Variants in LRRC28 observed in about 807,000 individuals in gnomAD.
LRRC28 encodes leucine rich repeat containing 28.
Under a neutral mutation model 45.7 loss-of-function variants are expected in LRRC28, and 39 were observed. That is an observed-to-expected ratio of 0.85 (90% confidence interval 0.66 to 1.12). LRRC28 has a LOEUF of 1.12. Ranked by LOEUF, LRRC28 falls within the 50% of genes most tolerant of loss-of-function variation. The probability of loss-of-function intolerance (pLI) is 0.00; values close to 1 mark genes in which losing one functional copy is unlikely to be tolerated. For synonymous variants in LRRC28, 206 were observed against 178.8 expected (o/e 1.15, Z -1.22); for missense variants, 435 against 438.5 (o/e 0.99, Z 0.07).
intron 2 of LRRC28, among the ~76,000 whole-genome samples, chr15:99,269,612 G>A (rs2081421210): frequency 2.0e-5 from 3 of 152,180 alleles, no homozygotes; most frequent in South Asian, 2.1e-4. Flanking sequence ...CATGTTGGCC[G>A]GGCTGGTCTT....
At position 99,389,318 on chromosome 15, in the gene LRRC28, G is replaced by A. The variant is rs944432212; in HGVS notation, c.*3216G>A. 1 of 152,144 alleles carries A rather than the reference G, an allele frequency of 6.6e-6. No individual in the cohort carries two copies. The highest frequency in any genetic ancestry group is 1.5e-5 in the Non-Finnish European group (1 of 68,046). The allele number at this position is 152,144 out of a possible 1,614,324, so 9.4% of individuals were successfully genotyped here. On this transcript the variant is annotated 3_prime_UTR_variant, in exon 10 of 10. Transcript: ENST00000301981. Reference sequence around the variant, plus strand: ...GGGGGAAAAAAAGGCTTCAATACCAGTTGGCTTATGAGGCTCTGCATATAA... The same window carrying A: ...GGGGGAAAAAAAGGCTTCAATACCAATTGGCTTATGAGGCTCTGCATATAA...
At chr15:99,308,298 A>G (rs1445468571) in intron 5 of LRRC28, among the ~76,000 whole-genome samples, 1 of 152,170 alleles carries the variant, frequency 6.6e-6, no homozygotes, top group Non-Finnish European at 1.5e-5. Context: ...GTTTTTTCCA[A>G]GTCGTTAACA....
chr15:99,265,387 A>G (rs1028993609), intron 2 of LRRC28, among the ~76,000 whole-genome samples: 2 of 152,178 alleles, frequency 1.3e-5, no homozygotes, highest in Admixed American at 6.5e-5. Context: ...AGGTGGGCCA[A>G]AGTACCCATT....
intron 5 of LRRC28, among the ~76,000 whole-genome samples, chr15:99,329,252 AT>A (rs1956083037): frequency 6.6e-6 from 1 of 152,374 alleles, no homozygotes; most frequent in South Asian, 2.1e-4. Context: ...CTTAATTGTA[AT>A]GGTAAAGCCA....
At chr15:99,290,126 CA>C (rs1250497246) in intron 5 of LRRC28, among the ~76,000 whole-genome samples, 39 of 151,442 alleles carry the variant, frequency 2.6e-4, no homozygotes, top group South Asian at 1.7e-3. Flanking sequence ...GGTGTGGTGG[CA>C]TTGTGCCTAT....
intron 9 of LRRC28, among the ~76,000 whole-genome samples, chr15:99,376,280 G>C (rs940086622): frequency 1.1e-4 from 17 of 152,068 alleles, no homozygotes; most frequent in Admixed American, 7.9e-4. Context: ...CTATGTGTTT[G>C]AAGATTTTCC....
At chr15:99,287,036 A>T (rs535114284) in intron 3 of LRRC28, 84 of 405,960 alleles carry the variant, frequency 2.1e-4, no homozygotes, top group African/African-American at 1.7e-3. Context: ...CAACTAAATC[A>T]GTAAATAGAT....
At chr15:99,312,028 TA>T (rs540978427) in intron 5 of LRRC28, among the ~76,000 whole-genome samples, 2 of 152,080 alleles carry the variant, frequency 1.3e-5, no homozygotes, top group South Asian at 2.1e-4. Context: ...GAATACTCAC[TA>T]AAAAAACCCT....
chr15:99,357,923 G>A (rs1240092159), intron 7 of LRRC28, among the ~76,000 whole-genome samples: 1 of 151,938 alleles, frequency 6.6e-6, no homozygotes, highest in Non-Finnish European at 1.5e-5. Context: ...GGAGAGGAGT[G>A]AGGGCCCACT....
chr15:99,259,856 T>C (rs1267449722), intron 2 of LRRC28: 2 of 810,602 alleles, frequency 2.5e-6, no homozygotes, highest in Non-Finnish European at 4.5e-6. Context: ...ATGCCTTGCC[T>C]CAGTTTGAAC....
intron 2 of LRRC28, among the ~76,000 whole-genome samples, chr15:99,273,985 C>G (rs1212229866): frequency 6.6e-6 from 1 of 152,170 alleles, no homozygotes; most frequent in Non-Finnish European, 1.5e-5. Flanking sequence ...AGCGTATATT[C>G]TCAAGGGAGA....
intron 5 of LRRC28, among the ~76,000 whole-genome samples, chr15:99,328,197 A>C (rs1232340131): frequency 6.6e-6 from 1 of 152,230 alleles, no homozygotes; most frequent in Non-Finnish European, 1.5e-5. Flanking sequence ...TTCTTCTTAG[A>C]TGTCAAATTA....
intron 3 of LRRC28, among the ~76,000 whole-genome samples, chr15:99,279,572 A>G (rs1011341257): frequency 1.3e-5 from 2 of 152,098 alleles, no homozygotes; most frequent in African/African-American, 4.8e-5. Flanking sequence ...ACGTGGTCCT[A>G]CCCCCTTGCT....
intron 5 of LRRC28, among the ~76,000 whole-genome samples, chr15:99,332,248 G>A (rs879297567): frequency 1.3e-5 from 2 of 152,104 alleles, no homozygotes; most frequent in Non-Finnish European, 2.9e-5. Context: ...AGCCAAGCGT[G>A]AAATTGACTC....
chr15:99,363,355 C>G, intron 9 of LRRC28, 90 bp downstream of exon 9: 2 of 1,434,688 alleles, frequency 1.4e-6, no homozygotes, highest in South Asian at 1.3e-5. Flanking sequence ...AGCATTAAGT[C>G]AGCAGTTTTA....
chr15:99,312,615 T>C (rs1955454654), intron 5 of LRRC28, among the ~76,000 whole-genome samples: 1 of 152,198 alleles, frequency 6.6e-6, no homozygotes, highest in Admixed American at 6.5e-5. Context: ...TCAGTTATTA[T>C]GTACAGTATT....
chr15:99,315,466 G>A (rs1442951253), intron 5 of LRRC28, among the ~76,000 whole-genome samples: 1 of 152,072 alleles, frequency 6.6e-6, no homozygotes, highest in African/African-American at 2.4e-5. Flanking sequence ...TTTTTATGGT[G>A]GGAAACAGAA....
chr15:99,254,573 T>C (rs1000297100), intron 1 of LRRC28, among the ~76,000 whole-genome samples: 5 of 152,230 alleles, frequency 3.3e-5, no homozygotes, highest in African/African-American at 4.8e-5. Context: ...TTTGTAGTTG[T>C]TTCAGCATTT....
chr15:99,361,083 C>A, intron 7 of LRRC28: 1 of 338,534 alleles, frequency 3.0e-6, no homozygotes, highest in Non-Finnish European at 5.3e-6. Flanking sequence ...AAGGAAAGTT[C>A]CTTTAAAGTT....
Sources: gnomAD v4.1 joint callset for allele counts (sites outside exome capture counted in the v4.1 genomes callset) on GRCh38, gnomAD v4.1.1 for gene constraint, MANE v1.5 for transcripts, NCBI Gene and HGNC (gene_info 2026-07-23, HGNC 2026-07-21) for gene names.